GPR149: variants seen among roughly 807,000 people sequenced by gnomAD.
GPR149 encodes the protein probable G protein-coupled receptor 149.
In GPR149, 50 loss-of-function variants were observed where a neutral mutation model predicts 50.2. The ratio of observed to expected loss-of-function variants is 1.00; its 90% confidence interval spans 0.79 to 1.26. GPR149 has a LOEUF of 1.26. GPR149 is among the 50% of genes most tolerant of loss of function. The pLI, the probability that GPR149 is intolerant of heterozygous loss-of-function variation, is 0.00. For synonymous variants in GPR149, 405 were observed against 358.2 expected (o/e 1.13, Z -1.48); for missense variants, 983 against 895.4 (o/e 1.10, Z -1.25).
chr3:154,401,578 A>T (rs1367579695), intron 3 of GPR149, among the ~76,000 whole-genome samples: 5 of 152,314 alleles, frequency 3.3e-5, no homozygotes, highest in Admixed American at 2.6e-4. Context: ...ATTAATTCCT[A>T]GAGTATGTGA....
At chr3:154,386,471 T>C (rs896677589) in intron 3 of GPR149, among the ~76,000 whole-genome samples, 1 of 152,224 alleles carries the variant, frequency 6.6e-6, no homozygotes, top group Non-Finnish European at 1.5e-5. Context: ...GTGACTCTGT[T>C]GTCATAAGAA....
intron 3 of GPR149, among the ~76,000 whole-genome samples, chr3:154,341,104 A>C (rs968665788): frequency 1.3e-5 from 2 of 151,454 alleles, no homozygotes; most frequent in African/African-American, 4.9e-5. Context: ...TCCTGAGAAA[A>C]CATTTTTGTT....
intron 3 of GPR149, among the ~76,000 whole-genome samples, chr3:154,345,662 G>T (rs1042169965): frequency 7.2e-5 from 11 of 152,158 alleles, no homozygotes; most frequent in African/African-American, 2.6e-4. Flanking sequence ...ACTGACCTTC[G>T]GCACATTGAA....
At chr3:154,383,769 T>C (rs1714984222) in intron 3 of GPR149, among the ~76,000 whole-genome samples, 1 of 152,050 alleles carries the variant, frequency 6.6e-6, no homozygotes, top group Non-Finnish European at 1.5e-5. Flanking sequence ...ATTATGGTAT[T>C]GGGGGACATT....
intron 3 of GPR149, among the ~76,000 whole-genome samples, chr3:154,406,108 A>T (rs1256172045): frequency 2.0e-5 from 3 of 152,036 alleles, no homozygotes; most frequent in African/African-American, 7.2e-5. Flanking sequence ...AAAATTGGAA[A>T]AAATAATAAC....
At chr3:154,399,642 C>T (rs1715374975) in intron 3 of GPR149, among the ~76,000 whole-genome samples, 1 of 152,184 alleles carries the variant, frequency 6.6e-6, no homozygotes, top group Non-Finnish European at 1.5e-5. Context: ...GGCCTGTTAG[C>T]AACTTTCCTC....
At chr3:154,356,916 A>G (rs1576903615) in intron 3 of GPR149, among the ~76,000 whole-genome samples, 1 of 152,194 alleles carries the variant, frequency 6.6e-6, no homozygotes, top group African/African-American at 2.4e-5. Flanking sequence ...GCATCACACT[A>G]CCTGACTTCA....
intron 3 of GPR149, among the ~76,000 whole-genome samples, chr3:154,417,897 A>G (rs1025109195): frequency 6.6e-6 from 1 of 152,160 alleles, no homozygotes; most frequent in Non-Finnish European, 1.5e-5. Flanking sequence ...CTAGCATTTT[A>G]AATTACAATG....
intron 3 of GPR149, among the ~76,000 whole-genome samples, chr3:154,367,345 C>CT (rs56060915): frequency 0.22 from 33,735 of 151,246 alleles, 4,042 homozygotes; most frequent in Middle Eastern, 0.27. Context: ...TTCCCCCCCC[C>CT]GAAACTAAAA....
chr3:154,337,868 A>C lies in GPR149; in HGVS notation c.2027T>G (p.Leu676Trp). The change falls in exon 4 of 4, where the codon TTG (leucine) becomes TGG (tryptophan). Residue 676 changes from leucine to tryptophan, a missense_variant. By Grantham distance (61) the Leu-to-Trp change is moderately conservative. Coordinates refer to ENST00000389740, the MANE Select transcript of GPR149 (RefSeq NM_001038705.3). The part of the protein sequence containing the change: ...LGETASYSLF[L>W]PTSNPDGDIN... ...ATCACCATCAGGATTACTGGTGGGCAAAAAGAGGGAGTATGAGGCTGTTTC... is the reference window on the plus strand; with the variant it reads ...ATCACCATCAGGATTACTGGTGGGCCAAAAGAGGGAGTATGAGGCTGTTTC... 1.9e-6 allele frequency: 3 copies of C among 1,613,822 alleles called. No homozygotes were observed. Among genetic ancestry groups the C allele is most frequent in the Non-Finnish European group, 2.5e-6 (3 of 1,179,876 alleles).
chr3:154,429,650 G>A lies in GPR149; in HGVS notation c.-35C>T. The A allele has an allele frequency of 6.4e-7, 1 of 1,561,820 alleles. No homozygotes were observed. The highest frequency in any genetic ancestry group is 1.4e-5 in the African/African-American group (1 of 73,294). On this transcript the variant is annotated 5_prime_UTR_variant, in exon 1 of 4. Coordinates refer to ENST00000389740, the MANE Select transcript of GPR149 (RefSeq NM_001038705.3). ...TCAATATTTAATTTCCCTTATCAATGAGTCTGATAATTTTCTCAAAAGAAA... is the reference window on the plus strand; with the variant it reads ...TCAATATTTAATTTCCCTTATCAATAAGTCTGATAATTTTCTCAAAAGAAA...
chr3:154,397,766 G>T (rs1715326844), intron 3 of GPR149, among the ~76,000 whole-genome samples: 1 of 152,068 alleles, frequency 6.6e-6, no homozygotes, highest in South Asian at 2.1e-4. Context: ...ACAGGAAATT[G>T]TATATTTGAA....
chr3:154,367,740 C>T (rs1714564374), intron 3 of GPR149, among the ~76,000 whole-genome samples: 1 of 152,184 alleles, frequency 6.6e-6, no homozygotes, highest in African/African-American at 2.4e-5. Context: ...CTCTCTCTCA[C>T]CATGGGCGGC....
chr3:154,413,743 T>C (rs1403549705), intron 3 of GPR149, among the ~76,000 whole-genome samples: 3 of 152,024 alleles, frequency 2.0e-5, no homozygotes, highest in Non-Finnish European at 4.4e-5. Context: ...GAAAACAGTG[T>C]GGAGATTCCT....
At position 154,337,072 on chromosome 3, in the gene GPR149, A is replaced by C. The variant is rs1235238769; in HGVS notation, c.*627T>G. 6.6e-6 allele frequency: 1 copy of C among 152,190 alleles called. No homozygotes were observed. Among genetic ancestry groups the C allele is most frequent in the Non-Finnish European group, 1.5e-5 (1 of 68,018 alleles). 9.4% of individuals were successfully genotyped at this position (152,190 alleles called of 1,614,324 possible). A position where few individuals can be genotyped will look rare whatever the true frequency, so the allele number is the denominator to read the frequency against. ...AGATGAAAGGAAAACTGTTATAGGT[A>C]AGAAAAAAAGAAAAAACAGTAAACA... is the stretch of plus-strand genomic sequence containing the variant. On this transcript the variant is annotated 3_prime_UTR_variant, in exon 4 of 4. Transcript: ENST00000389740.
chr3:154,356,057 G>C (rs1285716511), intron 3 of GPR149, among the ~76,000 whole-genome samples: 1 of 152,196 alleles, frequency 6.6e-6, no homozygotes, highest in African/African-American at 2.4e-5. Context: ...GAGGAGGCTA[G>C]TGACAGGGAA....
chr3:154,415,720 G>A (rs891943040), intron 3 of GPR149, among the ~76,000 whole-genome samples: 4 of 151,886 alleles, frequency 2.6e-5, no homozygotes, highest in Admixed American at 2.6e-4. Flanking sequence ...GTAGGTGGAA[G>A]TGAGTTTTTT....
chr3:154,374,169 C>CTTTTTTT (rs3069044), intron 3 of GPR149, among the ~76,000 whole-genome samples: 54 of 103,150 alleles, frequency 5.2e-4, no homozygotes, highest in African/African-American at 1.4e-3. Flanking sequence ...CTTTTCTTTT[C>CTTTTTTT]TTTTTTTTTT....
chr3:154,355,832 A>T (rs1256424344), intron 3 of GPR149, among the ~76,000 whole-genome samples: 1 of 152,236 alleles, frequency 6.6e-6, no homozygotes, highest in Non-Finnish European at 1.5e-5. Context: ...GTCAGAAATG[A>T]TATATTTTCA....
Sources: allele counts gnomAD v4.1 joint callset (sites outside exome capture counted in the v4.1 genomes callset), GRCh38; gene constraint gnomAD v4.1.1; transcripts MANE v1.5; gene names NCBI Gene and HGNC (gene_info 2026-07-23, HGNC 2026-07-21).